CFAP299: variants seen among roughly 807,000 people sequenced by gnomAD.
The protein encoded by CFAP299 is cilia- and flagella-associated protein 299.
In CFAP299, 21 loss-of-function variants were observed where a neutral mutation model predicts 27.0. That is an observed-to-expected ratio of 0.78 (90% confidence interval 0.55 to 1.12). The LOEUF is 1.12. Among genes scored for constraint, CFAP299 ranks in the 50% most tolerant of loss-of-function variants. The pLI, the probability that CFAP299 is intolerant of heterozygous loss-of-function variation, is 0.00. For synonymous variants in CFAP299, 104 were observed against 98.1 expected, an observed-to-expected ratio of 1.06 and a Z score of -0.36; for missense variants, 310 against 276.6, an observed-to-expected ratio of 1.12 and a Z score of -0.86.
intron 3 of CFAP299, among the ~76,000 whole-genome samples, chr4:80,690,456 C>A (rs1477972762): frequency 6.6e-6 from 1 of 151,974 alleles, no homozygotes; most frequent in Admixed American, 6.6e-5. Context: ...GGGTACATAA[C>A]GAAATGAAGG....
At chr4:80,638,206 C>A (rs1324178834) in intron 3 of CFAP299, among the ~76,000 whole-genome samples, 1 of 152,152 alleles carries the variant, frequency 6.6e-6, no homozygotes, top group Non-Finnish European at 1.5e-5. Context: ...CTGCTGCAGG[C>A]CCTTTTCACA....
chr4:80,534,468 GCACA>G (rs781760241), intron 2 of CFAP299, among the ~76,000 whole-genome samples: 26 of 151,820 alleles, frequency 1.7e-4, no homozygotes, highest in Non-Finnish European at 3.1e-4. Context: ...TAGATACAAT[GCACA>G]ATTAATCTTG....
chr4:80,745,179 T>C (rs1353272742), intron 3 of CFAP299, among the ~76,000 whole-genome samples: 1 of 152,182 alleles, frequency 6.6e-6, no homozygotes, highest in Non-Finnish European at 1.5e-5. Context: ...AATACCATTA[T>C]CTCATTTCAT....
chr4:80,587,095 C>T (rs1031213353), intron 3 of CFAP299, among the ~76,000 whole-genome samples: 1 of 152,076 alleles, frequency 6.6e-6, no homozygotes, highest in Non-Finnish European at 1.5e-5. Flanking sequence ...TGATCTTTTC[C>T]CTCCTTCCTA....
intron 3 of CFAP299, among the ~76,000 whole-genome samples, chr4:80,654,287 G>A (rs1040257361): frequency 6.6e-6 from 1 of 152,080 alleles, no homozygotes; most frequent in Non-Finnish European, 1.5e-5. Flanking sequence ...AGGCACCTGG[G>A]AGTTTTACTC....
chr4:80,896,351 C>T (rs376581642), intron 4 of CFAP299, among the ~76,000 whole-genome samples: 43 of 152,048 alleles, frequency 2.8e-4, no homozygotes, highest in African/African-American at 5.5e-4. Flanking sequence ...AATGAGTAAA[C>T]GGATTTGTTT....
At position 80,393,619 on chromosome 4, in the gene CFAP299, G is replaced by A. The variant is rs148251797; in HGVS notation, c.242+30735G>A. 2.7e-3 allele frequency among the ~76,000 whole-genome samples: 412 copies of A among 152,218 alleles called. 4 individuals carry two copies. The highest frequency in any genetic ancestry group is 0.014 in the Middle Eastern group (4 of 294). On this transcript the variant is annotated intron_variant, in intron 2 of 5. Transcript: ENST00000358105. ...CCAATTGCCTGCAGTATTCAGTACA[G>A]TAACATGCTGTACATGTTTTTAGCC...
At chr4:80,585,227 T>G (rs1344087460) in intron 3 of CFAP299, among the ~76,000 whole-genome samples, 1 of 152,106 alleles carries the variant, frequency 6.6e-6, no homozygotes, top group Non-Finnish European at 1.5e-5. Flanking sequence ...TGGAGATAGA[T>G]AGATGGTACT....
chr4:80,521,301 T>A (rs1732899474), intron 2 of CFAP299, among the ~76,000 whole-genome samples: 1 of 152,150 alleles, frequency 6.6e-6, no homozygotes, highest in African/African-American at 2.4e-5. Flanking sequence ...TTATTCTCAT[T>A]CTTATATGGC....
At chr4:80,403,835 T>C (rs2110052887) in intron 2 of CFAP299, among the ~76,000 whole-genome samples, 1 of 152,310 alleles carries the variant, frequency 6.6e-6, no homozygotes, top group South Asian at 2.1e-4. Context: ...GAATCAGTCA[T>C]AGCACCTGTT....
chr4:80,508,585 G>A (rs2110160584), intron 2 of CFAP299, among the ~76,000 whole-genome samples: 1 of 152,246 alleles, frequency 6.6e-6, no homozygotes, highest in Middle Eastern at 3.4e-3. Flanking sequence ...CTGAGGCAGA[G>A]TCTTGATTTG....
intron 4 of CFAP299, among the ~76,000 whole-genome samples, chr4:80,916,296 T>TATATATATATATATATATA (rs1578236267): frequency 2.1e-4 from 27 of 130,694 alleles, no homozygotes; most frequent in South Asian, 5.0e-4. Context: ...TATATATATA[T>TATATATATATATATATATA]TTCAGGTACA....
At chr4:80,674,495 G>T (rs2109997831) in intron 3 of CFAP299, among the ~76,000 whole-genome samples, 1 of 152,140 alleles carries the variant, frequency 6.6e-6, no homozygotes, top group African/African-American at 2.4e-5. Context: ...TGACAATTAT[G>T]TGTCTTGGGG....
At chr4:80,776,433 T>C (rs1048949523) in intron 3 of CFAP299, among the ~76,000 whole-genome samples, 1 of 152,104 alleles carries the variant, frequency 6.6e-6, no homozygotes, top group Admixed American at 6.6e-5. Context: ...TATGCAAATA[T>C]ATTTATATGA....
intron 4 of CFAP299, chr4:80,871,011 A>C (rs1378126911): frequency 1.8e-5 from 10 of 544,414 alleles, no homozygotes; most frequent in Non-Finnish European, 2.3e-5. Flanking sequence ...GGTTCAAGCA[A>C]TTCTCTTGTC....
At chr4:80,933,957 G>A (rs1467293583) in intron 4 of CFAP299, among the ~76,000 whole-genome samples, 1 of 152,050 alleles carries the variant, frequency 6.6e-6, no homozygotes, top group African/African-American at 2.4e-5. Context: ...AGGTCTTACA[G>A]CACTACATTG....
chr4:80,737,622 A>T (rs1396128838), intron 3 of CFAP299, among the ~76,000 whole-genome samples: 1 of 152,074 alleles, frequency 6.6e-6, no homozygotes, highest in Non-Finnish European at 1.5e-5. Context: ...CTGTGATATC[A>T]GTTGTAATGT....
At chr4:80,425,252 A>G (rs1335947907) in intron 2 of CFAP299, among the ~76,000 whole-genome samples, 1 of 152,162 alleles carries the variant, frequency 6.6e-6, no homozygotes. Flanking sequence ...GGCCTACCTC[A>G]TACTCTTTCA....
intron 2 of CFAP299, among the ~76,000 whole-genome samples, chr4:80,561,553 A>C (rs1465007763): frequency 1.3e-5 from 2 of 152,114 alleles, no homozygotes; most frequent in African/African-American, 4.8e-5. Flanking sequence ...AACTCAAAGG[A>C]ATTTGATGCC....
Sources: allele counts gnomAD v4.1 joint callset (sites outside exome capture counted in the v4.1 genomes callset), GRCh38; gene constraint gnomAD v4.1.1; transcripts MANE v1.5; gene names NCBI Gene and HGNC (gene_info 2026-07-23, HGNC 2026-07-21).